The following ABCA13 variants were observed in gnomAD, a reference collection of about 807,000 sequenced individuals.
The protein encoded by ABCA13 is ATP-binding cassette sub-family A member 13.
A neutral mutation model predicts 478.7 loss-of-function variants in ABCA13; 476 were observed. The observed-to-expected ratio is 0.99, with a 90% CI of 0.92 to 1.07. The LOEUF (loss-of-function observed/expected upper bound fraction) is 1.07. Ranked by LOEUF, ABCA13 falls within the 50% of genes least tolerant of loss-of-function variation. ABCA13 has a pLI of 0.00. For missense variants in ABCA13, 6,060 were observed against 5,910.6 expected (o/e 1.03, Z -0.83); for synonymous variants, 2,252 against 2,158.9 (o/e 1.04, Z -1.20).
intron 30 of ABCA13, 127 bp downstream of exon 30, chr7:48,350,946 A>G (rs1215409886): frequency 2.0e-6 from 2 of 1,014,784 alleles, no homozygotes; most frequent in South Asian, 3.6e-5. Context: ...CAGATAAAAC[A>G]TAAAATAAAG....
intron 42 of ABCA13, among the ~76,000 whole-genome samples, chr7:48,453,485 T>C (rs1300369303): frequency 8.5e-5 from 13 of 152,340 alleles, no homozygotes; most frequent in African/African-American, 2.4e-4. Flanking sequence ...TCCTTAAAAA[T>C]GGGTGTGCAG....
intron 23 of ABCA13, among the ~76,000 whole-genome samples, chr7:48,304,990 A>G (rs1309808258): frequency 6.6e-6 from 1 of 152,242 alleles, no homozygotes; most frequent in Non-Finnish European, 1.5e-5. Context: ...TCCTTAATCA[A>G]TAAACCCACC....
intron 25 of ABCA13, among the ~76,000 whole-genome samples, chr7:48,313,432 T>A (rs1221075342): frequency 6.6e-6 from 1 of 152,228 alleles, no homozygotes; most frequent in East Asian, 1.9e-4. Context: ...TGCATGAAAC[T>A]GATATTGTTG....
intron 45 of ABCA13, among the ~76,000 whole-genome samples, chr7:48,477,622 C>G (rs1828266498): frequency 6.6e-6 from 1 of 151,616 alleles, no homozygotes; most frequent in Non-Finnish European, 1.5e-5. Flanking sequence ...TCATCATTCT[C>G]AGCAAACTAT....
At position 48,481,091 on chromosome 7, in the gene ABCA13, C is replaced by T. The variant is rs1050071749; in HGVS notation, c.13031C>T (p.Thr4344Ile). Residue 4344 changes from threonine to isoleucine, a missense_variant, in exon 46 of 62, where the codon ACA becomes ATA. Thr to Ile is a moderately conservative substitution (Grantham distance 89, BLOSUM62 -1). Transcript: ENST00000435803. ...APYLTNHLGH[T>I]LLNLSGFNME... ...TACCTGACCAACCACCTGGGCCACA[C>T]ACTGTTGAATCTCTCAGGCTTCAAT... The T allele has an allele frequency of 3.7e-6, 6 of 1,603,302 alleles. No individual in the cohort carries two copies. Among genetic ancestry groups the T allele is most frequent in the Non-Finnish European group, 4.3e-6 (5 of 1,174,906 alleles).
chr7:48,379,029 C>T (rs1218383915), intron 35 of ABCA13, among the ~76,000 whole-genome samples: 3 of 151,872 alleles, frequency 2.0e-5, no homozygotes, highest in African/African-American at 7.3e-5. Context: ...TAGCTACCAG[C>T]TAGTTAGGAA....
chr7:48,212,093 G>T (rs1785749346), intron 3 of ABCA13, among the ~76,000 whole-genome samples: 1 of 152,190 alleles, frequency 6.6e-6, no homozygotes, highest in Admixed American at 6.5e-5. Flanking sequence ...TCAGCCTGTA[G>T]TGAGGCCAGC....
chr7:48,185,700 AC>A (rs1670272967), intron 1 of ABCA13, among the ~76,000 whole-genome samples: 1 of 152,140 alleles, frequency 6.6e-6, no homozygotes, highest in African/African-American at 2.4e-5. Context: ...TGTTGATAAT[AC>A]AAATCATATG....
At position 48,297,095 on chromosome 7, in the gene ABCA13, A is replaced by G; in HGVS notation, c.9120-137A>G. ...TGGTATTGGGAGACATGTGGGTCTA[A>G]TTGTTGCAGGAACTTTATGGAAATG... On this transcript the variant is annotated intron_variant, in intron 21 of 61. Coordinates refer to ENST00000435803, the MANE Select transcript of ABCA13 (RefSeq NM_152701.5). 2 of 731,038 alleles carry G rather than the reference A, an allele frequency of 2.7e-6. 1 individual carries two copies. The highest frequency in any genetic ancestry group is 3.4e-5 in the South Asian group (2 of 59,370). 45.3% of individuals were successfully genotyped at this position (731,038 alleles called of 1,614,324 possible). A position where few individuals can be genotyped will look rare whatever the true frequency, so the allele number is the denominator to read the frequency against.
chr7:48,511,174 A>G lies in ABCA13; in HGVS notation c.13615A>G (p.Thr4539Ala). 1.2e-6 allele frequency: 2 copies of G among 1,613,214 alleles called. No individual in the cohort carries two copies. The highest frequency in any genetic ancestry group is 1.7e-6 in the Non-Finnish European group (2 of 1,179,556). The change falls in exon 51 of 62, where the codon ACG (threonine) becomes GCG (alanine). Residue 4539 changes from threonine to alanine, a missense_variant. Thr to Ala is a moderately conservative substitution (Grantham distance 58). This residue lies in a region of ABCA13 where 1,627 missense variants were observed against 1,571.0 expected (regional missense o/e 1.04). Transcript: ENST00000435803. The stretch of plus-strand genomic sequence containing the variant: ...TACTTTCCGCAAGAACTTGGCAGCC[A>G]CGGCCCTCCTGCTGTCACTTTTCGG... The part of the protein sequence containing the change: ...AFTFRKNLAA[T>A]ALLLSLFGYA...
intron 59 of ABCA13, among the ~76,000 whole-genome samples, chr7:48,642,045 G>T (rs1053170448): frequency 1.3e-5 from 2 of 152,122 alleles, no homozygotes; most frequent in African/African-American, 4.8e-5. Context: ...TGTATATTTT[G>T]TCAGTGTCCT....
chr7:48,607,184 G>A (rs1373932308), intron 58 of ABCA13, among the ~76,000 whole-genome samples: 3 of 152,216 alleles, frequency 2.0e-5, no homozygotes, highest in Non-Finnish European at 1.5e-5. Flanking sequence ...AGGCACTGGA[G>A]GAAATCTCTT....
At chr7:48,355,845 G>A (rs1056923934) in intron 31 of ABCA13, among the ~76,000 whole-genome samples, 3 of 151,976 alleles carry the variant, frequency 2.0e-5, no homozygotes, top group African/African-American at 7.3e-5. Context: ...AGGTTTGGAG[G>A]ATAAGGATAG....
intron 42 of ABCA13, among the ~76,000 whole-genome samples, chr7:48,438,886 T>TTTG (rs1378637286): frequency 6.9e-6 from 1 of 145,248 alleles, no homozygotes. Flanking sequence ...TTGCTAAGGT[T>TTTG]TTTTTTTTTT....
chr7:48,555,021 T>C (rs1785668783), intron 55 of ABCA13, among the ~76,000 whole-genome samples: 1 of 151,528 alleles, frequency 6.6e-6, no homozygotes, highest in Admixed American at 6.6e-5. Context: ...TTCCCCAGTT[T>C]TTTGAGGGTT....
intron 5 of ABCA13, among the ~76,000 whole-genome samples, chr7:48,226,899 T>C (rs1788289974): frequency 6.6e-6 from 1 of 152,210 alleles, no homozygotes; most frequent in Non-Finnish European, 1.5e-5. Context: ...CATTTACATG[T>C]AAAGAATAGA....
At chr7:48,329,807 A>T (rs1804939122) in intron 27 of ABCA13, among the ~76,000 whole-genome samples, 1 of 151,666 alleles carries the variant, frequency 6.6e-6, no homozygotes, top group Non-Finnish European at 1.5e-5. Flanking sequence ...CCACCCATTC[A>T]TTCATCCACA....
intron 1 of ABCA13, among the ~76,000 whole-genome samples, chr7:48,175,292 G>A (rs138753037): frequency 0.53 from 79,847 of 151,694 alleles, 21,294 homozygotes; most frequent in Admixed American, 0.63. Context: ...ACATAGTGAT[G>A]TTTCAATACA....
chr7:48,210,800 GA>G (rs1196127476), intron 3 of ABCA13, among the ~76,000 whole-genome samples: 1 of 152,048 alleles, frequency 6.6e-6, no homozygotes, highest in Admixed American at 6.6e-5. Flanking sequence ...CTAAAAAGAA[GA>G]ATGCAGATTC....
Sources: allele counts gnomAD v4.1 joint callset (sites outside exome capture counted in the v4.1 genomes callset), GRCh38; gene constraint gnomAD v4.1.1; regional missense constraint gnomAD v4.1.1; transcripts MANE v1.5; gene names NCBI Gene and HGNC (gene_info 2026-07-23, HGNC 2026-07-21).